Variants in TDRD3 observed in about 807,000 individuals in gnomAD.
The protein encoded by TDRD3 is tudor domain containing 3.
In TDRD3, 45 loss-of-function variants were observed where a neutral mutation model predicts 86.7. That is an observed-to-expected ratio of 0.52 (90% CI 0.41 to 0.67). The LOEUF is 0.67. TDRD3 is among the 30% of genes least tolerant of loss of function. TDRD3 has a pLI of 0.00. For synonymous variants in TDRD3, 298 were observed against 301.7 expected (o/e 0.99, Z 0.13); for missense variants, 814 against 889.0 (o/e 0.92, Z 1.07).
intron 5 of TDRD3, among the ~76,000 whole-genome samples, chr13:60,482,824 G>A (rs759753600): frequency 8.6e-5 from 13 of 150,850 alleles, no homozygotes; most frequent in Non-Finnish European, 1.6e-4. Flanking sequence ...GCTTGAAAGT[G>A]CACATGGTGG....
At chr13:60,429,940 ATACT>A (rs1428080492) in intron 1 of TDRD3, among the ~76,000 whole-genome samples, 1 of 152,178 alleles carries the variant, frequency 6.6e-6, no homozygotes, top group Admixed American at 6.5e-5. Context: ...AAGAAAACTA[ATACT>A]TATTTAGCAC....
chr13:60,435,606 C>T (rs572960865), intron 1 of TDRD3, among the ~76,000 whole-genome samples: 6 of 152,192 alleles, frequency 3.9e-5, no homozygotes, highest in Admixed American at 2.0e-4. Context: ...TATTTCAATT[C>T]GTTTTTGTGG....
intron 5 of TDRD3, among the ~76,000 whole-genome samples, chr13:60,471,514 A>G (rs1956075792): frequency 6.6e-6 from 1 of 151,080 alleles, no homozygotes; most frequent in South Asian, 2.1e-4. Flanking sequence ...TTCCTTATGA[A>G]TTATAGGATA....
At chr13:60,535,309 A>G in intron 12 of TDRD3, 76 bp downstream of exon 12, 3 of 1,432,654 alleles carry the variant, frequency 2.1e-6, no homozygotes, top group Non-Finnish European at 2.8e-6. Flanking sequence ...TTAGATAGCC[A>G]TACAAAATAT....
intron 12 of TDRD3, chr13:60,535,479 T>C: frequency 3.6e-6 from 1 of 276,974 alleles, no homozygotes; most frequent in Non-Finnish European, 6.1e-6. Context: ...ATAGGTGCCC[T>C]TATTTACATT....
intron 12 of TDRD3, among the ~76,000 whole-genome samples, chr13:60,559,226 C>A (rs192227098): frequency 2.4e-3 from 372 of 152,188 alleles, no homozygotes; most frequent in Admixed American, 4.7e-3. Context: ...TTACTATAAT[C>A]TATATGAGAA....
In TDRD3 at chr13:60,528,536, G is replaced by C. The variant is rs771833106; in HGVS notation, c.1311G>C (p.Lys437Asn). ...TTCAAAGAGACTCCCAAAATTCAAA[G>C]TCAGTTTTAGAAGGCAGTGGATTAC... ...PRFQRDSQNS[K>N]SVLEGSGLPR... The change falls in exon 11 of 14, where the codon AAG becomes AAC. Residue 437 changes from lysine to asparagine, a missense_variant. Lys to Asn is a moderately conservative substitution (Grantham distance 94). Transcript: ENST00000377881. The C allele has an allele frequency of 6.2e-7, 1 of 1,614,012 alleles. No individual in the cohort carries two copies. The highest frequency in any genetic ancestry group is 8.5e-7 in the Non-Finnish European group (1 of 1,179,950).
chr13:60,437,528 A>T (rs1039304377), intron 1 of TDRD3, among the ~76,000 whole-genome samples: 6 of 151,992 alleles, frequency 3.9e-5, no homozygotes, highest in Non-Finnish European at 8.8e-5. Context: ...GGGCAAGTTT[A>T]ATTTTACATC....
intron 1 of TDRD3, among the ~76,000 whole-genome samples, chr13:60,400,134 A>AAATG (rs1954054519): frequency 6.6e-6 from 1 of 152,232 alleles, no homozygotes; most frequent in Non-Finnish European, 1.5e-5. Context: ...ATAATGCACT[A>AAATG]AATGGTACCT....
At chr13:60,426,201 T>G (rs540957482) in intron 1 of TDRD3, among the ~76,000 whole-genome samples, 22 of 152,312 alleles carry the variant, frequency 1.4e-4, no homozygotes, top group Non-Finnish European at 2.6e-4. Context: ...GTGATCTTAC[T>G]TATATGTGCA....
intron 8 of TDRD3, among the ~76,000 whole-genome samples, chr13:60,507,738 C>T (rs1003280111): frequency 6.6e-5 from 10 of 152,184 alleles, no homozygotes; most frequent in African/African-American, 2.4e-4. Context: ...TCTCTCACCA[C>T]TCCTATTCAA....
At chr13:60,404,425 C>T (rs565076760) in intron 1 of TDRD3, among the ~76,000 whole-genome samples, 26 of 150,044 alleles carry the variant, frequency 1.7e-4, no homozygotes, top group Non-Finnish European at 3.4e-4. Context: ...ATTCTCCTGC[C>T]TCAGCCTCCC....
At chr13:60,494,385 T>C in intron 7 of TDRD3, 50 bp from the exon 8 acceptor site, 2 of 1,467,502 alleles carry the variant, frequency 1.4e-6, no homozygotes, top group Non-Finnish European at 1.8e-6. Context: ...TTTAGAACTA[T>C]TTTTAAATGC....
chr13:60,404,065 A>G (rs1279238412), intron 1 of TDRD3, among the ~76,000 whole-genome samples: 2 of 152,224 alleles, frequency 1.3e-5, no homozygotes, highest in East Asian at 3.8e-4. Context: ...ATCTGAGAGC[A>G]GTTAACCCAG....
intron 1 of TDRD3, among the ~76,000 whole-genome samples, chr13:60,405,290 G>A (rs1418059): frequency 2.4e-4 from 37 of 151,958 alleles, no homozygotes; most frequent in African/African-American, 8.2e-4. Context: ...TTCTTAAACA[G>A]CATATTGTGG....
At chr13:60,482,863 A>G (rs576998433) in intron 5 of TDRD3, among the ~76,000 whole-genome samples, 2 of 151,364 alleles carry the variant, frequency 1.3e-5, no homozygotes, top group Non-Finnish European at 2.9e-5. Flanking sequence ...TTTGTCACCT[A>G]TTTTACATAT....
At chr13:60,398,820 C>G (rs1954015158) in intron 1 of TDRD3, among the ~76,000 whole-genome samples, 1 of 152,206 alleles carries the variant, frequency 6.6e-6, no homozygotes, top group African/African-American at 2.4e-5. Flanking sequence ...GTTAAAAACA[C>G]TGTCTTCAGT....
At chr13:60,538,622 A>G (rs951944673) in intron 12 of TDRD3, among the ~76,000 whole-genome samples, 7 of 152,148 alleles carry the variant, frequency 4.6e-5, no homozygotes, top group African/African-American at 1.7e-4. Flanking sequence ...AAAACAACAG[A>G]TTATTTTCTA....
intron 1 of TDRD3, among the ~76,000 whole-genome samples, chr13:60,438,795 G>C (rs1955181688): frequency 1.3e-5 from 2 of 152,144 alleles, no homozygotes; most frequent in South Asian, 4.1e-4. Flanking sequence ...TCTTAGACTA[G>C]CAGTCTTGGA....
Sources: gnomAD v4.1 joint callset for allele counts (sites outside exome capture counted in the v4.1 genomes callset) on GRCh38, gnomAD v4.1.1 for gene constraint, MANE v1.5 for transcripts, NCBI Gene and HGNC (gene_info 2026-07-23, HGNC 2026-07-21) for gene names.